YWHAG: variants seen among roughly 807,000 people sequenced by gnomAD.
The protein encoded by YWHAG is 14-3-3 protein gamma.
In YWHAG, 1 loss-of-function variant was observed where a neutral mutation model predicts 23.3. The ratio of observed to expected loss-of-function variants is 0.04; its 90% CI spans 0.02 to 0.20. The LOEUF (loss-of-function observed/expected upper bound fraction) is 0.20, where lower values mean the gene tolerates loss of function less well. YWHAG is among the 10% of genes least tolerant of loss of function. The pLI is 1.00. For synonymous variants in YWHAG, 160 were observed against 144.0 expected (o/e 1.11, Z -0.80); for missense variants, 151 against 338.6 (o/e 0.45, Z 4.35).
chr7:76,330,971 T>A (rs1298920598), intron 1 of YWHAG, among the ~76,000 whole-genome samples: 2 of 152,234 alleles, frequency 1.3e-5, no homozygotes, highest in Admixed American at 1.3e-4. Context: ...AAGACTAAAG[T>A]GGCATCTCAA....
intron 1 of YWHAG, among the ~76,000 whole-genome samples, chr7:76,353,012 G>A (rs1316201918): frequency 6.6e-6 from 1 of 152,122 alleles, no homozygotes; most frequent in Non-Finnish European, 1.5e-5. Context: ...GTAAAGAAAA[G>A]TCTATTTCTG....
chr7:76,351,219 T>C (rs1803868067), intron 1 of YWHAG, among the ~76,000 whole-genome samples: 1 of 152,254 alleles, frequency 6.6e-6, no homozygotes, highest in East Asian at 1.9e-4. Context: ...TTCACAGCCT[T>C]CCAAAGACTA....
chr7:76,329,769 A>G lies in YWHAG; in HGVS notation c.552T>C (p.Tyr184=), dbSNP rs1803516480. The change falls in exon 2 of 2, where the codon TAT becomes TAC. Residue 184 remains tyrosine, a synonymous_variant. Transcript: ENST00000307630. This position sits in a 1 kb window ranked among gnomAD's most constrained non-coding sequence, Gnocchi z 6.1. ...CTTGCTCTGGGGCGTTCTGGATCTC[A>G]TAGTAGAAGACGGAGTAGTTAAGAG... ...GLALNYSVFY[Y]EIQNAPEQAC... 3 of 1,613,512 alleles carry G rather than the reference A, an allele frequency of 1.9e-6. No homozygotes were observed. In the Admixed American group the frequency reaches 5.0e-5, roughly 27 times the overall value.
At chr7:76,353,111 A>G (rs959680488) in intron 1 of YWHAG, among the ~76,000 whole-genome samples, 1 of 152,230 alleles carries the variant, frequency 6.6e-6, no homozygotes, top group Non-Finnish European at 1.5e-5. Context: ...ACTCATGCAC[A>G]TGGTCTTTTA....
chr7:76,348,140 G>C (rs1241377441), intron 1 of YWHAG, among the ~76,000 whole-genome samples: 2 of 152,060 alleles, frequency 1.3e-5, no homozygotes, highest in Non-Finnish European at 2.9e-5. Flanking sequence ...CCATGCATCT[G>C]CAAGCAATGG....
In YWHAG at chr7:76,329,481, C is replaced by T. The variant is rs1803507496; in HGVS notation, c.*96G>A. 1.6e-6 allele frequency: 2 copies of T among 1,231,110 alleles called. No homozygotes were observed. Among genetic ancestry groups the T allele is most frequent in the African/African-American group, 1.6e-5 (1 of 64,510 alleles). The allele number at this position is 1,231,110 out of a possible 1,614,324, so 76.3% of individuals were successfully genotyped here. On this transcript the variant is annotated 3_prime_UTR_variant, in exon 2 of 2. Coordinates refer to ENST00000307630, the MANE Select transcript of YWHAG (RefSeq NM_012479.4). The surrounding 1 kb of genome is among the most constrained non-coding windows in gnomAD (Gnocchi z 6.1). ...TGGGTTTCTCCCTGGGAAGGTCATC[C>T]CTCCCTTTCCCTCCCCCACCCGACC...
Position 76,358,685 on chromosome 7 carries a change from G to A in YWHAG, c.87+37C>T, listed in dbSNP as rs765786003. On this transcript the variant is annotated intron_variant, in intron 1 of 1. Coordinates refer to ENST00000307630, the MANE Select transcript of YWHAG (RefSeq NM_012479.4). Reference sequence around the variant, plus strand: ...CACGCCAAGGACCGCGTCTTCGGAGGGGCAGGGAGCGGCGGGGGAGGGGAG... The same window carrying A: ...CACGCCAAGGACCGCGTCTTCGGAGAGGCAGGGAGCGGCGGGGGAGGGGAG... 8 of 1,547,996 alleles carry A rather than the reference G, an allele frequency of 5.2e-6. No individual in the cohort carries two copies. The African/African-American group carries it at 8.4e-5, about 16-fold the overall frequency.
intron 1 of YWHAG, among the ~76,000 whole-genome samples, chr7:76,347,938 C>CA (rs1160166973): frequency 6.6e-6 from 1 of 152,162 alleles, no homozygotes; most frequent in African/African-American, 2.4e-5. Flanking sequence ...AAATGACATT[C>CA]AAAAAACACA....
intron 1 of YWHAG, 51 bp from the exon 2 acceptor site, chr7:76,330,284 G>T (rs768234902): frequency 6.4e-7 from 1 of 1,555,604 alleles, no homozygotes; most frequent in South Asian, 1.2e-5. Flanking sequence ...TGTCCACTGG[G>T]TTAACTGTAT....
intron 1 of YWHAG, among the ~76,000 whole-genome samples, chr7:76,339,438 C>G (rs555370642): frequency 2.0e-5 from 3 of 152,186 alleles, no homozygotes; most frequent in Non-Finnish European, 4.4e-5. Context: ...CCACTGCCCT[C>G]TAGCCTGGGC....
intron 1 of YWHAG, among the ~76,000 whole-genome samples, 198 bp from the exon 2 acceptor site, chr7:76,330,431 C>T (rs79294503): frequency 0.027 from 4,134 of 152,250 alleles, 199 homozygotes; most frequent in African/African-American, 0.093. Context: ...AATGGATCAA[C>T]GGTGTCTGAA....
At chr7:76,346,846 GC>G (rs1803785885) in intron 1 of YWHAG, among the ~76,000 whole-genome samples, 2 of 152,190 alleles carry the variant, frequency 1.3e-5, no homozygotes, top group South Asian at 4.2e-4. Flanking sequence ...ACCTCAGAAG[GC>G]CCTTCGTGAA....
intron 1 of YWHAG, among the ~76,000 whole-genome samples, chr7:76,348,870 G>C (rs558858414): frequency 9.0e-4 from 83 of 91,794 alleles, no homozygotes; most frequent in Non-Finnish European, 1.4e-3. Context: ...ATGAGCCTTA[G>C]ACTTTGAAAA....
intron 1 of YWHAG, among the ~76,000 whole-genome samples, chr7:76,354,058 C>CAA (rs750620902): frequency 0.033 from 1,622 of 49,080 alleles, 47 homozygotes; most frequent in East Asian, 0.092. Flanking sequence ...GACCTTGCCT[C>CAA]AAAAAAAAAA....
At chr7:76,348,293 G>A (rs1037556691) in intron 1 of YWHAG, among the ~76,000 whole-genome samples, 43 of 145,548 alleles carry the variant, frequency 3.0e-4, no homozygotes, top group South Asian at 6.4e-4. Flanking sequence ...TGGAGATAGC[G>A]TGTCGCCCAG....
intron 1 of YWHAG, among the ~76,000 whole-genome samples, chr7:76,342,009 T>C (rs1338989039): frequency 6.6e-6 from 1 of 152,188 alleles, no homozygotes; most frequent in East Asian, 1.9e-4. Flanking sequence ...TTCGAAATAC[T>C]TGATGCTTCT....
intron 1 of YWHAG, among the ~76,000 whole-genome samples, chr7:76,332,905 T>C (rs747075235): frequency 6.6e-6 from 1 of 152,164 alleles, no homozygotes; most frequent in Non-Finnish European, 1.5e-5. Flanking sequence ...CGTTTTGCCA[T>C]GTTGGCCAGG....
intron 1 of YWHAG, among the ~76,000 whole-genome samples, chr7:76,358,312 G>C (rs1803992410): frequency 6.6e-6 from 1 of 152,198 alleles, no homozygotes; most frequent in South Asian, 2.1e-4. Context: ...ACCAGGGAGA[G>C]AAAGAGGAAC....
chr7:76,358,694 G>C lies in YWHAG; in HGVS notation c.87+28C>G, dbSNP rs370768782. On this transcript the variant is annotated intron_variant, in intron 1 of 1. Transcript: ENST00000307630. Reference sequence around the variant, plus strand: ...GACCGCGTCTTCGGAGGGGCAGGGAGCGGCGGGGGAGGGGAGGAGACACTC... The same window carrying C: ...GACCGCGTCTTCGGAGGGGCAGGGACCGGCGGGGGAGGGGAGGAGACACTC... 4.6e-6 allele frequency: 7 copies of C among 1,528,272 alleles called. No homozygotes were observed. In the East Asian group the frequency reaches 1.5e-4, roughly 33 times the overall value. 94.7% of individuals were successfully genotyped at this position (1,528,272 alleles called of 1,614,324 possible). A position where few individuals can be genotyped will look rare whatever the true frequency, so the allele number is the denominator to read the frequency against.
Sources: allele counts gnomAD v4.1 joint callset (sites outside exome capture counted in the v4.1 genomes callset), GRCh38; gene constraint gnomAD v4.1.1; non-coding constraint Gnocchi (gnomAD v3.1); transcripts MANE v1.5; gene names NCBI Gene and HGNC (gene_info 2026-07-23, HGNC 2026-07-21).